Variants in TPH2 observed in about 807,000 individuals in gnomAD.
The protein encoded by TPH2 is tryptophan 5-hydroxylase 2.
Under a neutral mutation model 59.1 loss-of-function variants are expected in TPH2, and 27 were observed. That is an observed-to-expected ratio of 0.46 (90% confidence interval 0.34 to 0.63). The LOEUF is 0.63. Among genes scored for constraint, TPH2 ranks in the 30% least tolerant of loss-of-function variants. The pLI is 0.01. For missense variants in TPH2, 523 were observed against 588.3 expected (o/e 0.89, Z 1.15); for synonymous variants, 220 against 210.5 (o/e 1.05, Z -0.39).
chr12:71,952,905 A>G (rs1871390156), intron 5 of TPH2, among the ~76,000 whole-genome samples: 1 of 152,180 alleles, frequency 6.6e-6, no homozygotes, highest in Non-Finnish European at 1.5e-5. Context: ...ATTAGGTTTA[A>G]TACATCTCCC....
chr12:72,014,376 A>G (rs1227820885), intron 8 of TPH2, among the ~76,000 whole-genome samples: 3 of 144,964 alleles, frequency 2.1e-5, no homozygotes, highest in Non-Finnish European at 3.0e-5. Flanking sequence ...TAGTCCCAGA[A>G]TTTTTTTTTT....
intron 5 of TPH2, among the ~76,000 whole-genome samples, chr12:71,970,101 G>A (rs1222714718): frequency 6.6e-6 from 1 of 152,164 alleles, no homozygotes; most frequent in African/African-American, 2.4e-5. Flanking sequence ...CAGAAACGAA[G>A]TAGATAAAAC....
chr12:71,957,772 T>C (rs933503316), intron 5 of TPH2, among the ~76,000 whole-genome samples: 2 of 152,194 alleles, frequency 1.3e-5, no homozygotes, highest in Non-Finnish European at 2.9e-5. Context: ...ATCATGCACA[T>C]AGTTTGCTTC....
intron 5 of TPH2, among the ~76,000 whole-genome samples, chr12:71,966,628 C>T (rs1871825971): frequency 6.6e-6 from 1 of 152,214 alleles, no homozygotes; most frequent in Non-Finnish European, 1.5e-5. Flanking sequence ...TCATTCTTAA[C>T]TATTTCTATC....
chr12:71,972,126 T>C (rs1871989383), intron 5 of TPH2, among the ~76,000 whole-genome samples: 1 of 152,202 alleles, frequency 6.6e-6, no homozygotes, highest in African/African-American at 2.4e-5. Context: ...CATAAAGCAA[T>C]TTTATTTTTA....
chr12:71,952,219 T>C (rs1230066547), intron 5 of TPH2, among the ~76,000 whole-genome samples: 1 of 152,136 alleles, frequency 6.6e-6, no homozygotes, highest in African/African-American at 2.4e-5. Context: ...AGTTTGCGTT[T>C]GCCACCTTTG....
rs34334884 is a variant in TPH2, at chr12:71,989,100, T to TA, written c.942-5318dup. Among the ~76,000 whole-genome samples, 450 of 116,230 alleles carry TA rather than the reference T, an allele frequency of 3.9e-3. 6 individuals are homozygous for TA. The highest frequency in any genetic ancestry group is 0.011 in the African/African-American group (329 of 30,812). 76.3% of individuals were successfully genotyped at this position (116,230 alleles called of 152,430 possible). A position where few individuals can be genotyped will look rare whatever the true frequency, so the allele number is the denominator to read the frequency against. Reference sequence around the variant, plus strand: ...GCAACATCCAGGTTCCTGGCTTTATTAAAAAAAAAAAAAAAAAAAAAGGTG... The same window carrying TA: ...GCAACATCCAGGTTCCTGGCTTTATTAAAAAAAAAAAAAAAAAAAAAAGGTG... On this transcript the variant is annotated intron_variant, in intron 7 of 10. Transcript: ENST00000333850.
At chr12:72,016,166 A>T (rs1873246917) in intron 8 of TPH2, among the ~76,000 whole-genome samples, 1 of 152,206 alleles carries the variant, frequency 6.6e-6, no homozygotes, top group African/African-American at 2.4e-5. Flanking sequence ...TGCTCTATCT[A>T]CTTCACAATG....
intron 2 of TPH2, among the ~76,000 whole-genome samples, chr12:71,942,007 G>A (rs2139176599): frequency 6.6e-6 from 1 of 152,214 alleles, no homozygotes; most frequent in East Asian, 1.9e-4. Flanking sequence ...AAAAACGTGA[G>A]CTTCACACCT....
At chr12:71,961,549 C>T in intron 5 of TPH2, 1 of 1,351,702 alleles carries the variant, frequency 7.4e-7, no homozygotes, top group Non-Finnish European at 9.8e-7. Context: ...AATCTTCATT[C>T]TAGTGGCCCA....
chr12:71,946,259 A>G (rs572213828), intron 4 of TPH2, among the ~76,000 whole-genome samples: 2 of 152,338 alleles, frequency 1.3e-5, no homozygotes, highest in East Asian at 1.9e-4. Flanking sequence ...GAAATGCTGT[A>G]TTAAATCATC....
At chr12:71,959,767 T>A (rs1871625058) in intron 5 of TPH2, among the ~76,000 whole-genome samples, 1 of 152,128 alleles carries the variant, frequency 6.6e-6, no homozygotes, top group Non-Finnish European at 1.5e-5. Context: ...AAGGGAAGGT[T>A]ATGCTTTCTT....
chr12:71,944,729 T>C (rs1262861653), intron 4 of TPH2, 43 bp downstream of exon 4: 1 of 1,548,712 alleles, frequency 6.5e-7, no homozygotes, highest in East Asian at 2.2e-5. Flanking sequence ...CTCTTTCAGC[T>C]CCACCCATGT....
chr12:72,007,568 T>C (rs112000419), intron 8 of TPH2, among the ~76,000 whole-genome samples: 1,852 of 152,272 alleles, frequency 0.012, 34 homozygotes, highest in African/African-American at 0.04. Flanking sequence ...GGAAGAGTTC[T>C]GAAAGATGTT....
intron 9 of TPH2, among the ~76,000 whole-genome samples, chr12:72,024,540 G>A (rs1204133170): frequency 2.6e-5 from 4 of 152,244 alleles, no homozygotes; most frequent in Non-Finnish European, 4.4e-5. Flanking sequence ...TCCCCAATAA[G>A]GGCATGCACT....
At chr12:71,973,164 C>A (rs996139122) in intron 6 of TPH2, among the ~76,000 whole-genome samples, 3 of 152,142 alleles carry the variant, frequency 2.0e-5, no homozygotes, top group Non-Finnish European at 4.4e-5. Context: ...ACGTTTGGAC[C>A]AGAGCAACTC....
rs560791976 is a variant in TPH2 at position 71,944,404 on chromosome 12, C to G, written c.366C>G (p.Leu122=). Reference sequence around the variant, plus strand: ...GTGGGAAAACAGAATTCAATGAGCTCATTCAGTTGCTGAAATTTCAAACCA... The same window carrying G: ...GTGGGAAAACAGAATTCAATGAGCTGATTCAGTTGCTGAAATTTCAAACCA... ...CECGKTEFNE[L]IQLLKFQTTI... Residue 122 remains leucine (L), a synonymous_variant, in exon 3 of 11, where the codon CTC becomes CTG. Coordinates refer to ENST00000333850, the MANE Select transcript of TPH2 (RefSeq NM_173353.4). The G allele has an allele frequency of 2.1e-5, 34 of 1,613,834 alleles. No individual in the cohort carries two copies. Among genetic ancestry groups the G allele is most frequent in the African/African-American group, 2.7e-5 (2 of 74,892 alleles).
At chr12:71,975,706 C>T (rs564643439) in intron 6 of TPH2, among the ~76,000 whole-genome samples, 13 of 152,228 alleles carry the variant, frequency 8.5e-5, no homozygotes, top group African/African-American at 1.2e-4. Flanking sequence ...ACCATGATCT[C>T]TCCCACTCTG....
At chr12:71,979,267 G>A (rs1476056178) in intron 7 of TPH2, among the ~76,000 whole-genome samples, 180 bp downstream of exon 7, 5 of 152,166 alleles carry the variant, frequency 3.3e-5, no homozygotes, top group South Asian at 2.1e-4. Flanking sequence ...ATCTGGGTCC[G>A]TGGGGGCCCC....
Sources: gnomAD v4.1 joint callset for allele counts (sites outside exome capture counted in the v4.1 genomes callset) on GRCh38, gnomAD v4.1.1 for gene constraint, MANE v1.5 for transcripts, NCBI Gene and HGNC (gene_info 2026-07-23, HGNC 2026-07-21) for gene names.